The following MTRF1 variants were observed in gnomAD, a reference collection of about 807,000 sequenced individuals.
MTRF1 encodes mitochondrial translation release factor 1.
In MTRF1, 51 loss-of-function variants were observed where a neutral mutation model predicts 62.9. The ratio of observed to expected loss-of-function variants is 0.81; its 90% CI spans 0.65 to 1.02. The LOEUF is 1.02. Among genes scored for constraint, MTRF1 ranks in the 50% least tolerant of loss-of-function variants. MTRF1 has a pLI of 0.00. For missense variants in MTRF1, 446 were observed against 530.0 expected (o/e 0.84, Z 1.56); for synonymous variants, 158 against 181.9 (o/e 0.87, Z 1.06).
At chr13:41,244,777 C>G (rs927715200) in intron 5 of MTRF1, among the ~76,000 whole-genome samples, 3 of 152,156 alleles carry the variant, frequency 2.0e-5, no homozygotes, top group Non-Finnish European at 4.4e-5. Context: ...GGCCCTGACA[C>G]CCCAGTCATG....
At chr13:41,302,048 A>T in the MTRF1 span, among the ~76,000 whole-genome samples, 1 of 151,908 alleles carries the variant, frequency 6.6e-6, no homozygotes, top group Non-Finnish European at 1.5e-5. Flanking sequence ...TATTTTTGAG[A>T]TGGAGTCTCC....
In MTRF1 at chr13:41,252,745, G is replaced by C. The variant is rs765142306; in HGVS notation, c.597C>G (p.Ile199Met). The C allele has an allele frequency of 6.8e-6, 11 of 1,613,050 alleles. No individual in the cohort carries two copies. The Admixed American group carries it at 1.7e-4, about 24-fold the overall frequency. ...VTAGRTTGGD[I>M]CQQFTREIFD... ...ATATTTCTCGGGTAAATTGTTGGCA[G>C]ATGTCACCTAAAACAAAATACGAAA... Residue 199 changes from isoleucine to methionine, a missense_variant, in exon 5 of 10, where the codon ATC becomes ATG. By Grantham distance (10) the Ile-to-Met change is conservative. Transcript: ENST00000379480.
chr13:41,254,526 T>C lies in MTRF1; in HGVS notation c.507+3A>G. The C allele has an allele frequency of 6.2e-7, 1 of 1,611,240 alleles. No homozygotes were observed. The highest frequency in any genetic ancestry group is 8.5e-7 in the Non-Finnish European group (1 of 1,177,810). ...TGAAACTAGTCGACCTCTGAAAACC[T>C]ACCTCATTGTACAACATGTTGATTT... On this transcript the variant is annotated splice_donor_region_variant and intron_variant, in intron 3 of 9. Transcript: ENST00000379480.
the MTRF1 span, among the ~76,000 whole-genome samples, chr13:41,296,648 A>G: frequency 6.6e-6 from 1 of 152,200 alleles, no homozygotes; most frequent in Non-Finnish European, 1.5e-5. Flanking sequence ...CCAAAATCAT[A>G]CAAATTAATA....
chr13:41,280,299 C>T, the MTRF1 span, among the ~76,000 whole-genome samples: 2 of 152,188 alleles, frequency 1.3e-5, no homozygotes, highest in African/African-American at 2.4e-5. Flanking sequence ...ATAAACTCAG[C>T]CAATTGTCAA....
intron 5 of MTRF1, among the ~76,000 whole-genome samples, chr13:41,250,386 T>G (rs879631950): frequency 6.6e-6 from 1 of 152,222 alleles, no homozygotes; most frequent in Non-Finnish European, 1.5e-5. Context: ...TCTCCCTCAC[T>G]TATTCTCTCA....
chr13:41,295,824 C>G, the MTRF1 span, among the ~76,000 whole-genome samples: 1 of 152,232 alleles, frequency 6.6e-6, no homozygotes, highest in East Asian at 1.9e-4. Context: ...CTTTGCTGCC[C>G]AGGCTGGAGT....
chr13:41,225,921 A>G (rs1281641143), intron 8 of MTRF1, among the ~76,000 whole-genome samples: 4 of 152,002 alleles, frequency 2.6e-5, no homozygotes, highest in Admixed American at 2.0e-4. Context: ...AAGTAACACT[A>G]TATCATATAT....
chr13:41,286,973 T>G, the MTRF1 span, among the ~76,000 whole-genome samples: 1 of 152,222 alleles, frequency 6.6e-6, no homozygotes, highest in East Asian at 1.9e-4. Flanking sequence ...TGTCTGCATT[T>G]CCTATTTTAG....
chr13:41,240,183 A>G, intron 6 of MTRF1, 78 bp downstream of exon 6: 1 of 1,394,034 alleles, frequency 7.2e-7, no homozygotes, highest in Non-Finnish European at 9.6e-7. Context: ...AAAAGGACAG[A>G]TTTTCCTAGA....
the MTRF1 span, among the ~76,000 whole-genome samples, chr13:41,273,016 G>A: frequency 2.3e-4 from 35 of 152,192 alleles, no homozygotes; most frequent in South Asian, 6.8e-3. Context: ...GCACCAACAG[G>A]AAATTTGTCA....
At chr13:41,236,460 C>T (rs1479778900) in intron 6 of MTRF1, 1 of 152,186 alleles carries the variant, frequency 6.6e-6, no homozygotes. Flanking sequence ...TTTTGTTCCA[C>T]ATTCATCATT....
At chr13:41,285,310 G>A in the MTRF1 span, among the ~76,000 whole-genome samples, 53 of 152,278 alleles carry the variant, frequency 3.5e-4, no homozygotes, top group South Asian at 6.8e-3. Context: ...CTTGGTTGGC[G>A]TGTCTTCCTG....
At chr13:41,305,968 A>T in the MTRF1 span, among the ~76,000 whole-genome samples, 1 of 152,236 alleles carries the variant, frequency 6.6e-6, no homozygotes, top group Non-Finnish European at 1.5e-5. Flanking sequence ...GATATAAACT[A>T]TGTAAAGAGA....
At chr13:41,256,328 AT>A (rs34937829) in intron 2 of MTRF1, among the ~76,000 whole-genome samples, 81,806 of 142,166 alleles carry the variant, frequency 0.58, 23,255 homozygotes, top group African/African-American at 0.63. Flanking sequence ...CTGTTGTAGA[AT>A]TTTTTTTTTT....
chr13:41,288,949 G>T, the MTRF1 span, among the ~76,000 whole-genome samples: 2 of 152,074 alleles, frequency 1.3e-5, no homozygotes, highest in Admixed American at 6.6e-5. Context: ...GAGCATAGTG[G>T]CCAGCCATCA....
chr13:41,278,759 C>G, the MTRF1 span, among the ~76,000 whole-genome samples: 1 of 152,148 alleles, frequency 6.6e-6, no homozygotes, highest in Non-Finnish European at 1.5e-5. Flanking sequence ...TCTTTACCAA[C>G]AGGCAATATA....
At chr13:41,265,620 G>A (rs552977810), upstream of MTRF1, among the ~76,000 whole-genome samples, 14 of 152,150 alleles carry the variant, frequency 9.2e-5, no homozygotes, top group East Asian at 2.7e-3. Flanking sequence ...GACATAATAG[G>A]ATTAGTGCCT....
intron 3 of MTRF1, among the ~76,000 whole-genome samples, chr13:41,253,656 A>G (rs1193968853): frequency 1.3e-5 from 2 of 152,218 alleles, no homozygotes; most frequent in East Asian, 3.8e-4. Flanking sequence ...AAATCAAAGT[A>G]AAAGTACCTA....
Sources: gnomAD v4.1 joint callset for allele counts (sites outside exome capture counted in the v4.1 genomes callset) on GRCh38, gnomAD v4.1.1 for gene constraint, MANE v1.5 for transcripts, NCBI Gene and HGNC (gene_info 2026-07-23, HGNC 2026-07-21) for gene names.